The following SAMD12 variants were observed in gnomAD, a reference collection of about 807,000 sequenced individuals.
SAMD12 encodes sterile alpha motif domain-containing protein 12.
A neutral mutation model predicts 15.0 loss-of-function variants in SAMD12; 9 were observed. The observed-to-expected ratio is 0.60, with a 90% CI of 0.36 to 1.05. SAMD12 has a LOEUF of 1.05. Ranked by LOEUF, SAMD12 falls within the 50% of genes least tolerant of loss-of-function variation. The probability of loss-of-function intolerance (pLI) is 0.01; values close to 1 mark genes in which losing one functional copy is unlikely to be tolerated. For synonymous variants in SAMD12, 86 were observed against 90.1 expected (o/e 0.96, Z 0.25); for missense variants, 230 against 234.2 (o/e 0.98, Z 0.12).
intron 2 of SAMD12, among the ~76,000 whole-genome samples, chr8:118,441,841 TC>T (rs1822772529): frequency 6.6e-6 from 1 of 152,188 alleles, no homozygotes; most frequent in African/African-American, 2.4e-5. Context: ...CCTGATTCAC[TC>T]TCTGGCACTG....
intron 4 of SAMD12, among the ~76,000 whole-genome samples, chr8:118,299,674 G>C (rs1022062692): frequency 9.9e-5 from 15 of 152,066 alleles, no homozygotes; most frequent in Admixed American, 6.6e-5. Context: ...AAATAATATA[G>C]GAATCTAAGG....
chr8:118,335,114 G>T (rs576610975), intron 4 of SAMD12, among the ~76,000 whole-genome samples: 1 of 152,150 alleles, frequency 6.6e-6, no homozygotes, highest in South Asian at 2.1e-4. Flanking sequence ...TGCAGTTGTG[G>T]GTCCAGAAAC....
Position 118,574,838 on chromosome 8 carries a change from A to T in SAMD12, c.192+5877T>A, listed in dbSNP as rs555901586. On this transcript the variant is annotated intron_variant, in intron 2 of 3. Transcript: ENST00000314727. ...CCTTTCCTATCATGGGTGACATTATATTGGGTTGGCAGCTTTGTTTGGAGA... is the reference window on the plus strand; with the variant it reads ...CCTTTCCTATCATGGGTGACATTATTTTGGGTTGGCAGCTTTGTTTGGAGA... 2.8e-4 allele frequency among the ~76,000 whole-genome samples: 42 copies of T among 152,310 alleles called. No homozygotes were observed. The East Asian group carries it at 7.3e-3, about 27-fold the overall frequency.
At chr8:118,457,483 C>T (rs1440097778) in intron 2 of SAMD12, among the ~76,000 whole-genome samples, 2 of 151,866 alleles carry the variant, frequency 1.3e-5, no homozygotes, top group Non-Finnish European at 2.9e-5. Flanking sequence ...ATCCCTGCTA[C>T]TAACATTCTT....
intron 3 of SAMD12, among the ~76,000 whole-genome samples, chr8:118,420,985 GACC>G (rs1821969563): frequency 2.0e-5 from 3 of 152,106 alleles, no homozygotes; most frequent in Non-Finnish European, 2.9e-5. Flanking sequence ...TTGTGACAAA[GACC>G]CTACGACCTA....
Position 118,199,436 on chromosome 8 carries a change from T to C in SAMD12, c.434-1704A>G, listed in dbSNP as rs558745338. 2.7e-4 allele frequency among the ~76,000 whole-genome samples: 41 copies of C among 152,360 alleles called. No homozygotes were observed. The South Asian group carries it at 8.5e-3, about 32-fold the overall frequency. ...AAGAACAACATTGATTTCTAGGAAC[T>C]TGACACAGTGTACCATCCTTGAGAC... On this transcript the variant is annotated intron_variant, in intron 4 of 4. Transcript: ENST00000409003.
At chr8:118,238,317 C>T (rs1410938600) in intron 4 of SAMD12, among the ~76,000 whole-genome samples, 1 of 152,060 alleles carries the variant, frequency 6.6e-6, no homozygotes, top group Non-Finnish European at 1.5e-5. Flanking sequence ...ACTCTAGTAG[C>T]CAGAATTTTC....
chr8:118,220,354 T>C (rs1405535760), intron 4 of SAMD12, among the ~76,000 whole-genome samples: 1 of 152,246 alleles, frequency 6.6e-6, no homozygotes, highest in Non-Finnish European at 1.5e-5. Flanking sequence ...ATAAATAATC[T>C]GGCCATGATT....
chr8:118,348,439 C>T (rs143728885), intron 4 of SAMD12, among the ~76,000 whole-genome samples: 2 of 151,622 alleles, frequency 1.3e-5, no homozygotes, highest in African/African-American at 4.8e-5. Context: ...GGTGTGACGT[C>T]CGCTCACCGC....
At chr8:118,467,474 A>T (rs756228096) in intron 2 of SAMD12, among the ~76,000 whole-genome samples, 3 of 152,128 alleles carry the variant, frequency 2.0e-5, no homozygotes, top group Non-Finnish European at 4.4e-5. Flanking sequence ...TGCTACCTCT[A>T]CTTTAAAGTT....
chr8:118,414,653 T>C (rs926338522), intron 3 of SAMD12, among the ~76,000 whole-genome samples: 2 of 152,194 alleles, frequency 1.3e-5, no homozygotes, highest in Admixed American at 1.3e-4. Context: ...GATTATCTTC[T>C]GAAGCCTAGT....
intron 2 of SAMD12, among the ~76,000 whole-genome samples, chr8:118,454,584 C>A (rs891976219): frequency 1.3e-5 from 2 of 152,154 alleles, no homozygotes; most frequent in Non-Finnish European, 2.9e-5. Context: ...TTGGATCTTT[C>A]AAATTGAGTA....
At chr8:118,136,735 T>A in the SAMD12 span, among the ~76,000 whole-genome samples, 1 of 152,212 alleles carries the variant, frequency 6.6e-6, no homozygotes. Flanking sequence ...GCTGTAGATG[T>A]GGAAACCAGG....
At chr8:118,553,285 T>G (rs1197816776) in intron 2 of SAMD12, among the ~76,000 whole-genome samples, 1 of 152,100 alleles carries the variant, frequency 6.6e-6, no homozygotes, top group Non-Finnish European at 1.5e-5. Context: ...CAAACTATAC[T>G]ACAAGGCTAC....
intron 4 of SAMD12, among the ~76,000 whole-genome samples, chr8:118,300,378 A>C (rs1185426050): frequency 6.6e-6 from 1 of 152,132 alleles, no homozygotes; most frequent in African/African-American, 2.4e-5. Flanking sequence ...AATCCACTTA[A>C]GACATCTTTA....
downstream of SAMD12, among the ~76,000 whole-genome samples, chr8:118,187,576 T>C (rs1819262618): frequency 6.6e-6 from 1 of 152,174 alleles, no homozygotes; most frequent in African/African-American, 2.4e-5. Context: ...TTTGGTGGTC[T>C]CAACTGAACT....
chr8:118,199,425 T>C (rs1586334599), intron 4 of SAMD12, among the ~76,000 whole-genome samples: 1 of 152,216 alleles, frequency 6.6e-6, no homozygotes, highest in African/African-American at 2.4e-5. Flanking sequence ...ACAACATTGA[T>C]TTCTAGGAAC....
the SAMD12 span, among the ~76,000 whole-genome samples, chr8:118,181,052 A>T: frequency 2.4e-4 from 35 of 148,604 alleles, no homozygotes; most frequent in South Asian, 6.4e-4. Context: ...TTTGTATTAA[A>T]TTTTTTTTTT....
intron 4 of SAMD12, among the ~76,000 whole-genome samples, chr8:118,198,668 T>C (rs1029774110): frequency 5.3e-5 from 8 of 152,204 alleles, no homozygotes; most frequent in Non-Finnish European, 8.8e-5. Flanking sequence ...AGTGTTTGAT[T>C]AACATTTGCT....
Sources: allele counts gnomAD v4.1 joint callset (sites outside exome capture counted in the v4.1 genomes callset), GRCh38; gene constraint gnomAD v4.1.1; transcripts MANE v1.5; gene names NCBI Gene and HGNC (gene_info 2026-07-23, HGNC 2026-07-21).